Variants in CTNNBL1 observed in about 807,000 individuals in gnomAD.
CTNNBL1 encodes the protein beta-catenin-like protein 1.
In CTNNBL1, 31 loss-of-function variants were observed where a neutral mutation model predicts 72.7. That is an observed-to-expected ratio of 0.43 (90% CI 0.32 to 0.58). The LOEUF is 0.58. CTNNBL1 is among the 20% of genes least tolerant of loss of function. CTNNBL1 has a pLI of 0.08. For missense variants in CTNNBL1, 534 were observed against 725.1 expected (o/e 0.74, Z 3.03); for synonymous variants, 240 against 267.3 (o/e 0.90, Z 1.00).
intron 1 of CTNNBL1, among the ~76,000 whole-genome samples, chr20:37,698,749 G>T (rs2072813985): frequency 6.6e-6 from 1 of 152,196 alleles, no homozygotes; most frequent in Admixed American, 6.5e-5. Flanking sequence ...GTTTATGGAT[G>T]CAAAAGTTCT....
intron 10 of CTNNBL1, among the ~76,000 whole-genome samples, chr20:37,801,890 T>C (rs1007801651): frequency 3.3e-5 from 5 of 152,214 alleles, no homozygotes; most frequent in African/African-American, 1.2e-4. Context: ...AGCATCTATA[T>C]TAGAAAGGAA....
chr20:37,708,054 A>G (rs946840388), intron 1 of CTNNBL1, among the ~76,000 whole-genome samples: 1 of 152,378 alleles, frequency 6.6e-6, no homozygotes, highest in Non-Finnish European at 1.5e-5. Context: ...TAGTAATATT[A>G]AAGATCACTC....
At chr20:37,845,325 T>A (rs2072338132) in intron 13 of CTNNBL1, among the ~76,000 whole-genome samples, 1 of 152,212 alleles carries the variant, frequency 6.6e-6, no homozygotes, top group Admixed American at 6.5e-5. Context: ...TTATCTATTA[T>A]CAGCATTGAA....
chr20:37,702,156 C>T (rs2072850359), intron 1 of CTNNBL1, among the ~76,000 whole-genome samples: 1 of 152,228 alleles, frequency 6.6e-6, no homozygotes, highest in African/African-American at 2.4e-5. Context: ...GCTGGGATTA[C>T]AAGCGTGAGC....
At chr20:37,746,690 A>G in intron 4 of CTNNBL1, 83 bp downstream of exon 4, 1 of 1,480,842 alleles carries the variant, frequency 6.8e-7, no homozygotes, top group Non-Finnish European at 9.4e-7. Flanking sequence ...CTCTTTGTAG[A>G]TGTGTGCTAT....
At chr20:37,768,508 A>G (rs1271084687) in intron 7 of CTNNBL1, among the ~76,000 whole-genome samples, 3 of 152,218 alleles carry the variant, frequency 2.0e-5, no homozygotes, top group Non-Finnish European at 4.4e-5. Flanking sequence ...ACCAAAATTA[A>G]TCTCATCATT....
chr20:37,805,051 G>C (rs2071942002), intron 11 of CTNNBL1, among the ~76,000 whole-genome samples: 1 of 152,270 alleles, frequency 6.6e-6, no homozygotes, highest in African/African-American at 2.4e-5. Context: ...ACCCCTGCCA[G>C]CTGCTGCCAC....
intron 6 of CTNNBL1, among the ~76,000 whole-genome samples, chr20:37,765,647 G>GT (rs1480375107): frequency 6.6e-6 from 1 of 152,112 alleles, no homozygotes; most frequent in Non-Finnish European, 1.5e-5. Flanking sequence ...CTTTTAAGTC[G>GT]TTTTTTCTTA....
At chr20:37,794,505 G>GT (rs35134052) in intron 10 of CTNNBL1, among the ~76,000 whole-genome samples, 2 of 151,592 alleles carry the variant, frequency 1.3e-5, no homozygotes, top group East Asian at 3.9e-4. Flanking sequence ...TTTTGTTTGT[G>GT]TTTTTTTGAG....
intron 11 of CTNNBL1, among the ~76,000 whole-genome samples, chr20:37,815,076 A>AGTGTGT (rs11474436): frequency 0.13 from 19,613 of 147,162 alleles, 1,527 homozygotes; most frequent in African/African-American, 0.21. Flanking sequence ...GGACTCTGTG[A>AGTGTGT]GTGTGTGTGT....
At chr20:37,794,103 G>A (rs1488241727) in intron 10 of CTNNBL1, among the ~76,000 whole-genome samples, 1 of 152,152 alleles carries the variant, frequency 6.6e-6, no homozygotes, top group Admixed American at 6.6e-5. Flanking sequence ...CTTTTTAAAA[G>A]AGATTTTTGA....
At position 37,868,876 on chromosome 20, in the gene CTNNBL1, G is replaced by T. The variant is rs563002378; in HGVS notation, c.1604-3049G>T. ...TCTGAGAAGACATTAGGAGAGCAAA[G>T]TGTTAGCTCAATCCATTAAGACTCC... On this transcript the variant is annotated intron_variant, in intron 15 of 15. Coordinates refer to ENST00000361383, the MANE Select transcript of CTNNBL1 (RefSeq NM_030877.5). Among the ~76,000 whole-genome samples the T allele has an allele frequency of 1.6e-3, 247 of 152,298 alleles. 1 individual carries two copies. The highest frequency in any genetic ancestry group is 3.4e-3 in the Middle Eastern group (1 of 294).
rs756437722 is a variant in CTNNBL1 at position 37,733,072 on chromosome 20, C to CGT, written c.219+7_219+8dup. ...GGGGAAGAGGAAGAGGAAGAGGTAA[C>CGT]GTGGCAGCGCTGGGTGGGAGCTGAG... On this transcript the variant is annotated splice_donor_region_variant and intron_variant, in intron 2 of 15. Coordinates refer to ENST00000361383, the MANE Select transcript of CTNNBL1 (RefSeq NM_030877.5). 1.4e-5 allele frequency: 23 copies of CGT among 1,610,890 alleles called. No individual in the cohort carries two copies. The highest frequency in any genetic ancestry group is 1.9e-5 in the Non-Finnish European group (22 of 1,178,836).
At chr20:37,811,920 C>T (rs1191789484) in intron 11 of CTNNBL1, among the ~76,000 whole-genome samples, 1 of 152,228 alleles carries the variant, frequency 6.6e-6, no homozygotes, top group East Asian at 1.9e-4. Flanking sequence ...TACCAAAATA[C>T]CGTTTAGCAC....
chr20:37,758,019 T>C (rs2073380099), intron 5 of CTNNBL1, among the ~76,000 whole-genome samples: 1 of 152,234 alleles, frequency 6.6e-6, no homozygotes, highest in Admixed American at 6.5e-5. Flanking sequence ...TTTGAACCTG[T>C]GGTCTCCTAG....
intron 10 of CTNNBL1, among the ~76,000 whole-genome samples, chr20:37,797,372 T>A (rs199966209): frequency 3.3e-5 from 5 of 151,372 alleles, no homozygotes; most frequent in East Asian, 1.9e-4. Flanking sequence ...TTTTTTTTTT[T>A]AATCAGTCTC....
intron 15 of CTNNBL1, 43 bp downstream of exon 15, chr20:37,860,387 A>T (rs763141667): frequency 6.9e-7 from 1 of 1,451,464 alleles, no homozygotes; most frequent in South Asian, 1.1e-5. Context: ...AGAGGATTAG[A>T]TGATGCTTAC....
In CTNNBL1 at chr20:37,863,900, G is replaced by A. The variant is rs79006122; in HGVS notation, c.1603+3556G>A. On this transcript the variant is annotated intron_variant, in intron 15 of 15. Coordinates refer to ENST00000361383, the MANE Select transcript of CTNNBL1 (RefSeq NM_030877.5). ...TTAAAAGAGTTCTCTCTAGATGGAA[G>A]GTTGTCATAAAGAGTTCTCAGCCCT... is the stretch of plus-strand genomic sequence containing the variant. Among the ~76,000 whole-genome samples, 338 of 152,302 alleles carry A rather than the reference G, an allele frequency of 2.2e-3. 2 individuals are homozygous for A. The highest frequency in any genetic ancestry group is 7.2e-3 in the African/African-American group (301 of 41,564).
chr20:37,735,584 T>C (rs2073164612), intron 2 of CTNNBL1, among the ~76,000 whole-genome samples: 1 of 152,144 alleles, frequency 6.6e-6, no homozygotes, highest in Non-Finnish European at 1.5e-5. Flanking sequence ...TCTGACTTGT[T>C]TTTACTGTGT....
Sources: gnomAD v4.1 joint callset for allele counts (sites outside exome capture counted in the v4.1 genomes callset) on GRCh38, gnomAD v4.1.1 for gene constraint, MANE v1.5 for transcripts, NCBI Gene and HGNC (gene_info 2026-07-23, HGNC 2026-07-21) for gene names.